LRRK2: variants seen among roughly 807,000 people sequenced by gnomAD.
LRRK2 encodes leucine-rich repeat serine/threonine-protein kinase 2.
LRRK2 carries 203 observed loss-of-function variants against 302.6 expected under a neutral mutation model. The observed-to-expected ratio is 0.67, with a 90% CI of 0.60 to 0.75. The LOEUF (loss-of-function observed/expected upper bound fraction) is 0.75. Among genes scored for constraint, LRRK2 ranks in the 30% least tolerant of loss-of-function variants. The probability of loss-of-function intolerance (pLI) is 0.00; values close to 1 mark genes in which losing one functional copy is unlikely to be tolerated. For missense variants in LRRK2, 2,830 were observed against 2,951.0 expected (o/e 0.96, Z 0.95); for synonymous variants, 1,066 against 1,031.9 (o/e 1.03, Z -0.63).
In LRRK2 at chr12:40,274,837, T is replaced by C; in HGVS notation, c.1802-17T>C. On this transcript the variant is annotated splice_polypyrimidine_tract_variant and intron_variant, in intron 15 of 50. Transcript: ENST00000298910. Reference sequence around the variant, plus strand: ...AGTTTTGAGATTTAAAACAATTCTTTTTTTTTATTTTCCTAGAAATTCAGT... The same window carrying C: ...AGTTTTGAGATTTAAAACAATTCTTCTTTTTTATTTTCCTAGAAATTCAGT... 1 of 1,609,658 alleles carries C rather than the reference T, an allele frequency of 6.2e-7. No homozygotes were observed. The highest frequency in any genetic ancestry group is 8.5e-7 in the Non-Finnish European group (1 of 1,176,366).
At chr12:40,310,250 G>A (rs574298151) in intron 30 of LRRK2, among the ~76,000 whole-genome samples, 181 bp from the exon 31 acceptor site, 118 of 152,066 alleles carry the variant, frequency 7.8e-4, no homozygotes, top group African/African-American at 2.7e-3. Context: ...TTAAAATGTC[G>A]TAAGGTTACA....
intron 14 of LRRK2, among the ~76,000 whole-genome samples, chr12:40,268,464 A>C (rs1317730618): frequency 6.6e-6 from 1 of 152,206 alleles, no homozygotes; most frequent in Non-Finnish European, 1.5e-5. Flanking sequence ...AATTTAAAAA[A>C]GGTTTACAGG....
At chr12:40,291,019 T>A (rs1008738626) in intron 20 of LRRK2, among the ~76,000 whole-genome samples, 1 of 152,030 alleles carries the variant, frequency 6.6e-6, no homozygotes, top group African/African-American at 2.4e-5. Flanking sequence ...TTTAAAAAAA[T>A]TTAATTTCCC....
chr12:40,259,885 T>C (rs1354638965), intron 13 of LRRK2, among the ~76,000 whole-genome samples: 1 of 152,186 alleles, frequency 6.6e-6, no homozygotes, highest in Non-Finnish European at 1.5e-5. Flanking sequence ...TCTCTGATAA[T>C]TCTTTTCTAT....
chr12:40,300,910 G>T (rs1392707274), intron 25 of LRRK2: 2 of 471,132 alleles, frequency 4.2e-6, no homozygotes, highest in Non-Finnish European at 8.8e-6. Flanking sequence ...GGTCTGGAAA[G>T]AGGAGCATCC....
intron 31 of LRRK2, among the ~76,000 whole-genome samples, chr12:40,312,009 T>A (rs890021617): frequency 2.0e-5 from 3 of 152,036 alleles, no homozygotes; most frequent in Admixed American, 6.6e-5. Flanking sequence ...AACTTTGTTG[T>A]TACTGAGAAT....
intron 39 of LRRK2, 35 bp from the exon 40 acceptor site, chr12:40,334,931 GT>G (rs768966049): frequency 1.3e-5 from 21 of 1,610,798 alleles, no homozygotes; most frequent in Non-Finnish European, 1.6e-5. Flanking sequence ...AAAACCTGAT[GT>G]TGAATTACTC....
At chr12:40,327,914 T>C (rs1945599711) in intron 38 of LRRK2, among the ~76,000 whole-genome samples, 1 of 152,156 alleles carries the variant, frequency 6.6e-6, no homozygotes, top group Non-Finnish European at 1.5e-5. Context: ...CTTGTTATCA[T>C]CAGCTATATG....
chr12:40,366,809 A>G, intron 49 of LRRK2, 197 bp from the exon 50 acceptor site: 1 of 503,410 alleles, frequency 2.0e-6, no homozygotes, highest in Non-Finnish European at 3.6e-6. Flanking sequence ...TGCAGCAAGG[A>G]GTGGATCACA....
intron 20 of LRRK2, among the ~76,000 whole-genome samples, chr12:40,292,453 C>G (rs1325082822): frequency 1.3e-5 from 2 of 151,776 alleles, no homozygotes; most frequent in African/African-American, 2.4e-5. Flanking sequence ...CACTATGCTG[C>G]TTGTACAAAT....
chr12:40,315,817 CA>C, intron 33 of LRRK2, among the ~76,000 whole-genome samples: 1 of 151,434 alleles, frequency 6.6e-6, no homozygotes, highest in African/African-American at 2.4e-5. Context: ...TTTTTTTCTC[CA>C]AATGATAATC....
intron 45 of LRRK2, 76 bp from the exon 46 acceptor site, chr12:40,356,039 G>A: frequency 1.1e-6 from 1 of 879,492 alleles, no homozygotes; most frequent in South Asian, 1.4e-5. Flanking sequence ...GTTTAATAAA[G>A]TGGAGGAGAA....
intron 44 of LRRK2, 110 bp downstream of exon 44, chr12:40,351,843 C>A: frequency 1.8e-6 from 2 of 1,127,586 alleles, no homozygotes; most frequent in South Asian, 1.4e-5. Flanking sequence ...ATTCAATTAG[C>A]CTTCTGTTAG....
chr12:40,282,664 G>T (rs1263670848), intron 18 of LRRK2, among the ~76,000 whole-genome samples: 2 of 152,312 alleles, frequency 1.3e-5, no homozygotes, highest in African/African-American at 4.8e-5. Context: ...ATGGTGACTT[G>T]ATCAGAGCTC....
chr12:40,308,834 A>T, intron 29 of LRRK2, 138 bp downstream of exon 29: 1 of 924,846 alleles, frequency 1.1e-6, no homozygotes, highest in Non-Finnish European at 1.7e-6. Context: ...CATTTCTCCT[A>T]ATTTTACCCT....
At chr12:40,359,792 C>T (rs952435529) in intron 47 of LRRK2, among the ~76,000 whole-genome samples, 4 of 152,036 alleles carry the variant, frequency 2.6e-5, no homozygotes, top group African/African-American at 7.2e-5. Context: ...ACCAAATTCA[C>T]GGACTATACA....
intron 38 of LRRK2, among the ~76,000 whole-genome samples, chr12:40,324,068 T>C (rs1945479217): frequency 6.6e-6 from 1 of 152,114 alleles, no homozygotes; most frequent in African/African-American, 2.4e-5. Flanking sequence ...ATAACTACTT[T>C]GGGAAAGAAA....
intron 25 of LRRK2, among the ~76,000 whole-genome samples, chr12:40,300,368 A>T (rs527673364): frequency 9.8e-5 from 15 of 152,352 alleles, no homozygotes; most frequent in African/African-American, 3.4e-4. Context: ...AAATACTTTT[A>T]TGACAATAAA....
Position 40,253,026 on chromosome 12 carries a change from G to T in LRRK2, c.1288+10G>T. On this transcript the variant is annotated intron_variant, in intron 11 of 50. Transcript: ENST00000298910. ...CTCTTAGAACAAAATGGTAAGCAGT[G>T]GGCCATGTTTTCAAATAAAGGGAAA... 6.4e-7 allele frequency: 1 copy of T among 1,562,220 alleles called. No individual in the cohort carries two copies. Among genetic ancestry groups the T allele is most frequent in the Non-Finnish European group, 8.8e-7 (1 of 1,133,306 alleles).
Sources: allele counts gnomAD v4.1 joint callset (sites outside exome capture counted in the v4.1 genomes callset), GRCh38; gene constraint gnomAD v4.1.1; transcripts MANE v1.5; gene names NCBI Gene and HGNC (gene_info 2026-07-23, HGNC 2026-07-21).